The following LYPLAL1 variants were observed in gnomAD, a reference collection of about 807,000 sequenced individuals.
LYPLAL1 encodes lysophospholipase-like protein 1.
In LYPLAL1, 23 loss-of-function variants were observed where a neutral mutation model predicts 19.7. The observed-to-expected ratio is 1.17, with a 90% confidence interval of 0.84 to 1.65. The LOEUF (loss-of-function observed/expected upper bound fraction) is 1.65. Among genes scored for constraint, LYPLAL1 ranks in the 40% most tolerant of loss-of-function variants. The pLI is 0.00. For missense variants in LYPLAL1, 355 were observed against 279.4 expected, an observed-to-expected ratio of 1.27 and a Z score of -1.93; for synonymous variants, 119 against 96.3, an observed-to-expected ratio of 1.24 and a Z score of -1.38.
chr1:219,320,237 A>G, the LYPLAL1 span, among the ~76,000 whole-genome samples: 4 of 151,980 alleles, frequency 2.6e-5, no homozygotes, highest in Admixed American at 6.6e-5. Flanking sequence ...CAGACCTTCA[A>G]TCTATACTGG....
the LYPLAL1 span, among the ~76,000 whole-genome samples, chr1:219,425,770 TC>T: frequency 2.6e-5 from 4 of 152,254 alleles, no homozygotes; most frequent in Admixed American, 6.5e-5. Context: ...CTGCTACCAT[TC>T]TGGTCATACC....
chr1:219,328,940 T>C, the LYPLAL1 span, among the ~76,000 whole-genome samples: 1 of 152,210 alleles, frequency 6.6e-6, no homozygotes, highest in Admixed American at 6.5e-5. Flanking sequence ...ACTTTTTTTC[T>C]TGCTAATAAT....
At chr1:219,314,041 C>T in the LYPLAL1 span, among the ~76,000 whole-genome samples, 27 of 152,288 alleles carry the variant, frequency 1.8e-4, no homozygotes, top group Middle Eastern at 3.4e-3. Flanking sequence ...ATATGCACTC[C>T]GTGTTTAGCT....
At chr1:219,341,026 G>T in the LYPLAL1 span, among the ~76,000 whole-genome samples, 3 of 151,918 alleles carry the variant, frequency 2.0e-5, no homozygotes, top group African/African-American at 7.3e-5. Flanking sequence ...AATGTGCAAG[G>T]CCTTATTCAC....
chr1:219,214,674 G>T (rs1659223664), downstream of LYPLAL1, among the ~76,000 whole-genome samples: 1 of 138,602 alleles, frequency 7.2e-6, no homozygotes, highest in Non-Finnish European at 1.5e-5. Context: ...ATTTAAACCA[G>T]CAATTTTTCT....
At chr1:219,194,170 C>A (rs573427543) in intron 3 of LYPLAL1, among the ~76,000 whole-genome samples, 9 of 151,998 alleles carry the variant, frequency 5.9e-5, no homozygotes, top group African/African-American at 1.9e-4. Flanking sequence ...TCTAGCATAA[C>A]AACATCACCT....
At chr1:219,346,782 G>T in the LYPLAL1 span, among the ~76,000 whole-genome samples, 1 of 152,022 alleles carries the variant, frequency 6.6e-6, no homozygotes, top group Admixed American at 6.5e-5. Flanking sequence ...AGAAAGTAAA[G>T]GTTAACTAGA....
the LYPLAL1 span, among the ~76,000 whole-genome samples, chr1:219,333,693 T>C: frequency 6.6e-6 from 1 of 152,170 alleles, no homozygotes; most frequent in African/African-American, 2.4e-5. Context: ...TTAGGACAGA[T>C]TATTCAGCAA....
intron 3 of LYPLAL1, among the ~76,000 whole-genome samples, chr1:219,205,606 A>G (rs1156795931): frequency 1.3e-5 from 2 of 152,146 alleles, no homozygotes; most frequent in Admixed American, 6.5e-5. Flanking sequence ...TACAAGAAAC[A>G]TTTTGTACAA....
At chr1:219,350,158 T>G in the LYPLAL1 span, among the ~76,000 whole-genome samples, 1 of 152,236 alleles carries the variant, frequency 6.6e-6, no homozygotes, top group African/African-American at 2.4e-5. Context: ...AGGTGTCTAT[T>G]TTTTAAGTGA....
intron 3 of LYPLAL1, among the ~76,000 whole-genome samples, chr1:219,205,882 C>T (rs1408062672): frequency 1.3e-5 from 2 of 152,152 alleles, no homozygotes; most frequent in East Asian, 3.8e-4. Context: ...GTTGTTCTAA[C>T]AGTTTTCCAT....
the LYPLAL1 span, among the ~76,000 whole-genome samples, chr1:219,388,301 CCCAATGGCAGGAT>C: frequency 6.6e-6 from 1 of 152,092 alleles, no homozygotes; most frequent in Non-Finnish European, 1.5e-5. Flanking sequence ...TCTCAGAGAT[CCCAATGGCAGGAT>C]CTCTCTCTCT....
chr1:219,363,311 A>T, the LYPLAL1 span, among the ~76,000 whole-genome samples: 1 of 152,182 alleles, frequency 6.6e-6, no homozygotes, highest in Non-Finnish European at 1.5e-5. Context: ...CACTTGAAAT[A>T]TGCCTAGTAA....
chr1:219,402,921 C>A, the LYPLAL1 span, among the ~76,000 whole-genome samples: 1 of 152,166 alleles, frequency 6.6e-6, no homozygotes, highest in Non-Finnish European at 1.5e-5. Context: ...GAATCTATTT[C>A]TTTCTTGCCT....
At chr1:219,309,506 A>G in the LYPLAL1 span, among the ~76,000 whole-genome samples, 2 of 152,068 alleles carry the variant, frequency 1.3e-5, no homozygotes, top group Non-Finnish European at 2.9e-5. Context: ...CTCATCTTGA[A>G]CTGTACTCCC....
chr1:219,176,345 C>T (rs1655808990), intron 1 of LYPLAL1, among the ~76,000 whole-genome samples: 1 of 152,132 alleles, frequency 6.6e-6, no homozygotes, highest in East Asian at 1.9e-4. Context: ...CTGTATTCCA[C>T]ACTAAGCTAG....
chr1:219,341,267 TTAA>T, the LYPLAL1 span, among the ~76,000 whole-genome samples: 2 of 152,076 alleles, frequency 1.3e-5, no homozygotes, highest in Non-Finnish European at 2.9e-5. Context: ...GTGCATAAAG[TTAA>T]TAATTTGAAT....
At chr1:219,289,224 A>G in the LYPLAL1 span, among the ~76,000 whole-genome samples, 1 of 152,104 alleles carries the variant, frequency 6.6e-6, no homozygotes, top group Non-Finnish European at 1.5e-5. Flanking sequence ...AGTACATGCT[A>G]TGCTTAATGC....
At chr1:219,300,530 C>CTT in the LYPLAL1 span, among the ~76,000 whole-genome samples, 28,055 of 81,940 alleles carry the variant, frequency 0.34, 4,550 homozygotes, top group East Asian at 0.59. Context: ...TTTATCCTAA[C>CTT]TTTTTTTTTT....
Sources: allele counts gnomAD v4.1 joint callset (sites outside exome capture counted in the v4.1 genomes callset), GRCh38; gene constraint gnomAD v4.1.1; transcripts MANE v1.5; gene names NCBI Gene and HGNC (gene_info 2026-07-23, HGNC 2026-07-21).